Variants in SDC1 observed in about 807,000 individuals in gnomAD.
SDC1 encodes syndecan 1.
In SDC1, 14 loss-of-function variants were observed where a neutral mutation model predicts 29.7. The ratio of observed to expected loss-of-function variants is 0.47; its 90% CI spans 0.31 to 0.74. SDC1 has a LOEUF of 0.74. Among genes scored for constraint, SDC1 ranks in the 30% least tolerant of loss-of-function variants. The pLI is 0.05. For missense variants in SDC1, 406 were observed against 400.3 expected (o/e 1.01, Z -0.12); for synonymous variants, 204 against 175.5 (o/e 1.16, Z -1.29).
intron 3 of SDC1, 148 bp from the exon 4 acceptor site, chr2:20,203,370 C>G: frequency 1.1e-6 from 1 of 885,698 alleles, no homozygotes; most frequent in Non-Finnish European, 1.6e-6. Context: ...GCACAGGGCC[C>G]GAAAGCCAGG....
In SDC1 at chr2:20,224,779, G is replaced by A; in HGVS notation, c.66+23C>T. On this transcript the variant is annotated intron_variant, in intron 1 of 4. Coordinates refer to ENST00000254351, the MANE Select transcript of SDC1 (RefSeq NM_002997.5). The surrounding 1 kb of genome is among the most constrained non-coding windows in gnomAD (Gnocchi z 4.9). The stretch of plus-strand genomic sequence containing the variant: ...AGTCCCGGCTTCCCGCCGCCTCCCC[G>A]CCTGGCCGCCGGCCGCACTCACCGG... The A allele has an allele frequency of 2.3e-6, 3 of 1,305,238 alleles. No individual in the cohort carries two copies. The highest frequency in any genetic ancestry group is 2.1e-5 in the South Asian group (1 of 46,646). The allele number at this position is 1,305,238 out of a possible 1,614,324, so 80.9% of individuals were successfully genotyped here.
At chr2:20,212,586 G>A (rs1677501239) in intron 1 of SDC1, among the ~76,000 whole-genome samples, 1 of 152,216 alleles carries the variant, frequency 6.6e-6, no homozygotes, top group Admixed American at 6.5e-5. Context: ...GGGCCTCACT[G>A]GGGCCTCAAG....
rs941709959 is a variant in SDC1, at chr2:20,224,988, C to A, written c.-121G>T. 2.6e-6 allele frequency: 3 copies of A among 1,152,326 alleles called. No homozygotes were observed. The highest frequency in any genetic ancestry group is 9.3e-5 in the Admixed American group (2 of 21,600). 71.4% of individuals were successfully genotyped at this position (1,152,326 alleles called of 1,614,324 possible). Reference sequence around the variant, plus strand: ...CTGCCCAGCGCGCCGCTGTCCCAGGCGAGGGCTGCAGGGTCCGCCGGCTGG... The same window carrying A: ...CTGCCCAGCGCGCCGCTGTCCCAGGAGAGGGCTGCAGGGTCCGCCGGCTGG... On this transcript the variant is annotated 5_prime_UTR_variant, in exon 1 of 5. Transcript: ENST00000254351. The surrounding 1 kb of genome is among the most constrained non-coding windows in gnomAD (Gnocchi z 4.9).
Position 20,203,156 on chromosome 2 carries a change from G to C in SDC1, c.694C>G (p.Gln232Glu), listed in dbSNP as rs1484298989. 1 of 1,613,206 alleles carries C rather than the reference G, an allele frequency of 6.2e-7. No individual in the cohort carries two copies. ...GTGGCCCCCTGATCCACTGGGGACT[G>C]GTTCCGGCGGTCAGGCTCCACGGCC... is the stretch of plus-strand genomic sequence containing the variant. The part of the protein sequence containing the change: ...VVAVEPDRRN[Q>E]SPVDQGATGA... The change falls in exon 4 of 5, where the codon CAG becomes GAG. Residue 232 changes from glutamine to glutamate, a missense_variant. Transcript: ENST00000254351.
At chr2:20,208,130 G>A in intron 1 of SDC1, 1 of 985,398 alleles carries the variant, frequency 1.0e-6, no homozygotes, top group Non-Finnish European at 1.2e-6. Flanking sequence ...CAACAATGAG[G>A]CAACCGAAGC....
At chr2:20,210,088 T>A (rs780463387) in intron 1 of SDC1, among the ~76,000 whole-genome samples, 25 of 152,224 alleles carry the variant, frequency 1.6e-4, no homozygotes, top group Non-Finnish European at 3.1e-4. Context: ...CCGCCTGTGA[T>A]CCCAGCACTT....
rs1488429187 is a variant in SDC1, at chr2:20,204,280, C to A, written c.160G>T (p.Asp54Tyr). 1 of 1,535,146 alleles carries A rather than the reference C, an allele frequency of 6.5e-7. No homozygotes were observed. Among genetic ancestry groups the A allele is most frequent in the South Asian group, 1.1e-5 (1 of 89,760 alleles). ...GGGGTCTGCTGTGACAAGGTGATAT[C>A]TTGCAAAGCACCTGCAGGACCAGAA... is the stretch of plus-strand genomic sequence containing the variant. ...FSGSGAGALQDITLSQQTPST... is the reference protein window; with the variant it reads ...FSGSGAGALQYITLSQQTPST... The change falls in exon 3 of 5, where the codon GAT becomes TAT. Residue 54 changes from aspartate to tyrosine, a missense_variant. Physicochemically the swap from Asp to Tyr is radical, Grantham distance 160. Coordinates refer to ENST00000254351, the MANE Select transcript of SDC1 (RefSeq NM_002997.5).
chr2:20,202,743 G>A lies in SDC1; in HGVS notation c.*23C>T, dbSNP rs568917819. ...GTGGGGGCCTAGTGAGTGGCAGGGC[G>A]GAGGGGGCGCATGGCTCCCGCGTCA... On this transcript the variant is annotated 3_prime_UTR_variant, in exon 5 of 5. Coordinates refer to ENST00000254351, the MANE Select transcript of SDC1 (RefSeq NM_002997.5). 2.4e-5 allele frequency: 37 copies of A among 1,572,652 alleles called. No individual in the cohort carries two copies. Among genetic ancestry groups the A allele is most frequent in the South Asian group, 3.6e-5 (3 of 83,456 alleles).
rs2148278521 is a variant in SDC1, at chr2:20,203,226, T to C, written c.628-4A>G. 1.9e-6 allele frequency: 3 copies of C among 1,602,576 alleles called. No homozygotes were observed. The highest frequency in any genetic ancestry group is 2.6e-6 in the Non-Finnish European group (3 of 1,172,012). ...CCGAGGTTTCAAAGGTGAAGTCCTG[T>C]GGGAGGGCAGGGGCAGATTGGGTTG... is the stretch of plus-strand genomic sequence containing the variant. On this transcript the variant is annotated splice_polypyrimidine_tract_variant and splice_region_variant and intron_variant, in intron 3 of 4. Coordinates refer to ENST00000254351, the MANE Select transcript of SDC1 (RefSeq NM_002997.5).
intron 1 of SDC1, among the ~76,000 whole-genome samples, chr2:20,216,420 G>A (rs752931585): frequency 7.9e-5 from 12 of 152,188 alleles, no homozygotes; most frequent in Non-Finnish European, 1.6e-4. Flanking sequence ...GGTTTTCTCT[G>A]GGAGAAGCTG....
rs974848560 is a variant in SDC1 at position 20,201,337 on chromosome 2, T to C, written c.*1429A>G. On this transcript the variant is annotated 3_prime_UTR_variant, in exon 5 of 5. Coordinates refer to ENST00000254351, the MANE Select transcript of SDC1 (RefSeq NM_002997.5). ...ATTTCAGCCAAAACAAAAAAGCAAA[T>C]ACACAGAGGGACCCTGGAACCAGAA... 9.9e-5 allele frequency: 15 copies of C among 152,070 alleles called. No individual in the cohort carries two copies. Among genetic ancestry groups the C allele is most frequent in the Non-Finnish European group, 2.2e-4 (15 of 68,006 alleles). The allele number at this position is 152,070 out of a possible 1,614,324, so 9.4% of individuals were successfully genotyped here.
rs1427687341 is a variant in SDC1, at chr2:20,202,303, T to C, written c.*463A>G. The C allele has an allele frequency of 2.6e-6, 2 of 778,446 alleles. No individual in the cohort carries two copies. The highest frequency in any genetic ancestry group is 3.4e-5 in the African/African-American group (2 of 59,018). The allele number at this position is 778,446 out of a possible 1,614,324, so 48.2% of individuals were successfully genotyped here. A position where few individuals can be genotyped will look rare whatever the true frequency, so the allele number is the denominator to read the frequency against. Reference sequence around the variant, plus strand: ...GACCTCCCCACGAAACAAAGTGGACTCCTGTCCCCTGCCACTCAGCGGCCA... The same window carrying C: ...GACCTCCCCACGAAACAAAGTGGACCCCTGTCCCCTGCCACTCAGCGGCCA... On this transcript the variant is annotated 3_prime_UTR_variant, in exon 5 of 5. Transcript: ENST00000254351.
intron 1 of SDC1, among the ~76,000 whole-genome samples, chr2:20,221,798 C>T (rs1183038593): frequency 6.6e-6 from 1 of 152,118 alleles, no homozygotes; most frequent in Admixed American, 6.5e-5. Context: ...TTTACTGGAA[C>T]CCATCATGAG....
Position 20,205,440 on chromosome 2 carries a change from A to C in SDC1, c.67-16T>G. The C allele has an allele frequency of 6.2e-7, 1 of 1,609,292 alleles. No individual in the cohort carries two copies. Among genetic ancestry groups the C allele is most frequent in the Non-Finnish European group, 8.5e-7 (1 of 1,175,740 alleles). ...CCACAATTTGCTGGAAAAGGATCAG[A>C]ATATGGTATGAGTAAAGGCTTGGCC... On this transcript the variant is annotated splice_polypyrimidine_tract_variant and intron_variant, in intron 1 of 4. Coordinates refer to ENST00000254351, the MANE Select transcript of SDC1 (RefSeq NM_002997.5).
intron 1 of SDC1, chr2:20,208,135 C>T (rs957181730): frequency 2.0e-6 from 2 of 985,350 alleles, no homozygotes; most frequent in Non-Finnish European, 2.4e-6. Context: ...ATGAGGCAAC[C>T]GAAGCCCACA....
At chr2:20,203,768 A>G in intron 3 of SDC1, 45 bp downstream of exon 3, 1 of 1,393,442 alleles carries the variant, frequency 7.2e-7, no homozygotes, top group Admixed American at 2.2e-5. Context: ...GCCAGGCATT[A>G]GGACCAACCC....
chr2:20,205,662 C>T (rs1301227349), intron 1 of SDC1, among the ~76,000 whole-genome samples: 1 of 152,038 alleles, frequency 6.6e-6, no homozygotes, highest in African/African-American at 2.4e-5. Flanking sequence ...AGGGGCACAA[C>T]AGAGTAGGCA....
At chr2:20,210,150 T>G (rs767204292) in intron 1 of SDC1, among the ~76,000 whole-genome samples, 1 of 152,254 alleles carries the variant, frequency 6.6e-6, no homozygotes, top group Admixed American at 6.5e-5. Context: ...CAAACCAGCC[T>G]GGCCAACATG....
chr2:20,202,264 C>A lies in SDC1; in HGVS notation c.*502G>T. The A allele has an allele frequency of 3.9e-6, 3 of 779,042 alleles. No homozygotes were observed. Among genetic ancestry groups the A allele is most frequent in the Non-Finnish European group, 7.2e-6 (3 of 417,806 alleles). 48.3% of individuals were successfully genotyped at this position (779,042 alleles called of 1,614,324 possible). On this transcript the variant is annotated 3_prime_UTR_variant, in exon 5 of 5. Coordinates refer to ENST00000254351, the MANE Select transcript of SDC1 (RefSeq NM_002997.5). ...AGAGGAAACATGTGCAAAAACAAGTCGATATCTAGATTAGACCTCCCCACG... is the reference window on the plus strand; with the variant it reads ...AGAGGAAACATGTGCAAAAACAAGTAGATATCTAGATTAGACCTCCCCACG...
Sources: gnomAD v4.1 joint callset for allele counts (sites outside exome capture counted in the v4.1 genomes callset) on GRCh38, gnomAD v4.1.1 for gene constraint, Gnocchi (gnomAD v3.1) non-coding constraint, MANE v1.5 for transcripts, NCBI Gene and HGNC (gene_info 2026-07-23, HGNC 2026-07-21) for gene names.